NGLY1: variants seen among roughly 807,000 people sequenced by gnomAD.
The protein encoded by NGLY1 is N-glycanase 1.
Under a neutral mutation model 84.6 loss-of-function variants are expected in NGLY1, and 68 were observed. That is an observed-to-expected ratio of 0.80 (90% CI 0.66 to 0.98). The LOEUF (loss-of-function observed/expected upper bound fraction) is 0.98, where lower values mean the gene tolerates loss of function less well. NGLY1 is among the 50% of genes least tolerant of loss of function. The pLI is 0.00. For missense variants in NGLY1, 779 were observed against 770.2 expected, an observed-to-expected ratio of 1.01 and a Z score of -0.14; for synonymous variants, 280 against 275.2, an observed-to-expected ratio of 1.02 and a Z score of -0.17.
chr3:25,737,671 T>C (rs1254079516), intron 5 of NGLY1, among the ~76,000 whole-genome samples: 1 of 151,218 alleles, frequency 6.6e-6, no homozygotes, highest in Non-Finnish European at 1.5e-5. Context: ...GCCTCCAGAG[T>C]ATCTGTGACT....
At chr3:25,760,083 A>G (rs1388911106) in intron 3 of NGLY1, among the ~76,000 whole-genome samples, 1 of 152,152 alleles carries the variant, frequency 6.6e-6, no homozygotes, top group Non-Finnish European at 1.5e-5. Flanking sequence ...TGTGACTTCA[A>G]TAAACTTATT....
At chr3:25,768,774 C>A (rs952562693) in intron 2 of NGLY1, among the ~76,000 whole-genome samples, 1 of 151,630 alleles carries the variant, frequency 6.6e-6, no homozygotes, top group Non-Finnish European at 1.5e-5. Context: ...AAACTCCTGA[C>A]CTCATGATCC....
intron 3 of NGLY1, among the ~76,000 whole-genome samples, chr3:25,753,991 C>A (rs1706896555): frequency 6.6e-6 from 1 of 152,058 alleles, no homozygotes. Context: ...AAAAGGTATT[C>A]AACAAATAAT....
intron 6 of NGLY1, chr3:25,736,587 A>G (rs1705837786): frequency 4.3e-6 from 2 of 463,404 alleles, no homozygotes; most frequent in Admixed American, 7.7e-5. Context: ...AGAGAACACT[A>G]ACTATTAATG....
At chr3:25,769,314 T>C (rs944091982) in intron 2 of NGLY1, among the ~76,000 whole-genome samples, 1 of 152,140 alleles carries the variant, frequency 6.6e-6, no homozygotes, top group South Asian at 2.1e-4. Context: ...TAAGCCGAGA[T>C]TGTGCCACTA....
At chr3:25,751,382 A>G (rs867648027) in intron 3 of NGLY1, 119 bp from the exon 4 acceptor site, 13 of 796,818 alleles carry the variant, frequency 1.6e-5, no homozygotes, top group Middle Eastern at 7.8e-4. Flanking sequence ...GGATTCACTT[A>G]AATATAATAA....
In NGLY1 at chr3:25,748,901, T is replaced by TA. The variant is rs552731325; in HGVS notation, c.658+2196dup. 4.5e-3 allele frequency among the ~76,000 whole-genome samples: 647 copies of TA among 144,204 alleles called. 4 individuals carry two copies. The highest frequency in any genetic ancestry group is 0.014 in the African/African-American group (561 of 39,384). The allele number at this position is 144,204 out of a possible 152,430, so 94.6% of individuals were successfully genotyped here. On this transcript the variant is annotated intron_variant, in intron 4 of 11. Transcript: ENST00000280700. ...ATTAAACTGCAAATGCGTATTCAGG[T>TA]AAAAAAAAAAAGTTTTTAAAAAGAA...
chr3:25,755,835 T>C (rs1352110984), intron 3 of NGLY1, among the ~76,000 whole-genome samples: 5 of 152,232 alleles, frequency 3.3e-5, no homozygotes, highest in South Asian at 4.1e-4. Context: ...CAAAATGTGC[T>C]TTTCATTAGG....
chr3:25,723,144 A>G (rs989957429), intron 10 of NGLY1, among the ~76,000 whole-genome samples: 1 of 152,138 alleles, frequency 6.6e-6, no homozygotes, highest in Admixed American at 6.5e-5. Flanking sequence ...TACTCCAATA[A>G]CTGCCTTAAT....
chr3:25,727,106 A>G (rs1305218077), intron 10 of NGLY1, among the ~76,000 whole-genome samples: 1 of 152,210 alleles, frequency 6.6e-6, no homozygotes, highest in African/African-American at 2.4e-5. Flanking sequence ...ATGCTAGTAC[A>G]GAACCAGAAA....
At chr3:25,755,599 T>C in intron 3 of NGLY1, 2 of 1,478,820 alleles carry the variant, frequency 1.4e-6, no homozygotes, top group Non-Finnish European at 1.9e-6. Context: ...ATCAACATGG[T>C]TTCATCATAG....
chr3:25,754,610 G>T (rs1706935184), intron 3 of NGLY1, among the ~76,000 whole-genome samples: 1 of 151,924 alleles, frequency 6.6e-6, no homozygotes. Flanking sequence ...GGGGACTACT[G>T]CAGAGCTCCA....
rs1187814202 is a variant in NGLY1 at position 25,719,294 on chromosome 3, T to TATAA, written c.*165_*166insTTAT. On this transcript the variant is annotated 3_prime_UTR_variant, in exon 12 of 12. Transcript: ENST00000280700. The stretch of plus-strand genomic sequence containing the variant: ...GAAAGGTTTTAATTCAATATTTTAT[T>TATAA]ATAGTCCACGTATAAAGATAATTTT... The TATAA allele has an allele frequency of 2.0e-6, 1 of 491,324 alleles. No homozygotes were observed. Among genetic ancestry groups the TATAA allele is most frequent in the Non-Finnish European group, 3.6e-6 (1 of 274,142 alleles). 30.4% of individuals were successfully genotyped at this position (491,324 alleles called of 1,614,324 possible).
At chr3:25,784,476 T>C (rs1708560125), upstream of NGLY1, among the ~76,000 whole-genome samples, 1 of 152,222 alleles carries the variant, frequency 6.6e-6, no homozygotes, top group African/African-American at 2.4e-5. Context: ...AGAAGATGCA[T>C]CCCTTACTAC....
chr3:25,781,218 T>G (rs1385548769), intron 1 of NGLY1, among the ~76,000 whole-genome samples: 1 of 152,216 alleles, frequency 6.6e-6, no homozygotes, highest in African/African-American at 2.4e-5. Context: ...CCCACAGTGC[T>G]GGGGTTACAG....
chr3:25,786,791 A>G (rs940602116), upstream of NGLY1, among the ~76,000 whole-genome samples: 1 of 152,236 alleles, frequency 6.6e-6, no homozygotes. Flanking sequence ...TTATCACAAT[A>G]TTAATGCTAT....
intron 7 of NGLY1, chr3:25,734,206 T>C (rs1226541649): frequency 2.0e-5 from 9 of 441,618 alleles, no homozygotes; most frequent in African/African-American, 4.1e-5. Context: ...GCTGGGACTA[T>C]AGGCATGCAC....
At chr3:25,788,467 A>AT (rs1455561931) in intron 1 of NGLY1, among the ~76,000 whole-genome samples, 1 of 152,244 alleles carries the variant, frequency 6.6e-6, no homozygotes, top group Non-Finnish European at 1.5e-5. Context: ...AAGCCATTAA[A>AT]TATCATAAAA....
At chr3:25,731,629 G>A (rs918885570) in intron 9 of NGLY1, among the ~76,000 whole-genome samples, 9 of 152,020 alleles carry the variant, frequency 5.9e-5, no homozygotes, top group African/African-American at 2.2e-4. Context: ...CATATTCACT[G>A]AAAACGTGAA....
Sources: allele counts gnomAD v4.1 joint callset (sites outside exome capture counted in the v4.1 genomes callset), GRCh38; gene constraint gnomAD v4.1.1; transcripts MANE v1.5; gene names NCBI Gene and HGNC (gene_info 2026-07-23, HGNC 2026-07-21).